The following FTO variants were observed in gnomAD, a reference collection of about 807,000 sequenced individuals.
FTO encodes FTO alpha-ketoglutarate dependent dioxygenase.
Under a neutral mutation model 63.9 loss-of-function variants are expected in FTO, and 47 were observed. The observed-to-expected ratio is 0.74, with a 90% CI of 0.58 to 0.94. The LOEUF is 0.94. Among genes scored for constraint, FTO ranks in the 40% least tolerant of loss-of-function variants. The pLI is 0.00. For missense variants in FTO, 562 were observed against 618.1 expected, an observed-to-expected ratio of 0.91 and a Z score of 0.96; for synonymous variants, 207 against 224.4, an observed-to-expected ratio of 0.92 and a Z score of 0.69.
chr16:53,999,605 G>C (rs900578282), intron 8 of FTO: 1 of 152,170 alleles, frequency 6.6e-6, no homozygotes, highest in Non-Finnish European at 1.5e-5. Context: ...GGTAGTCCCT[G>C]AACAGTTATT....
chr16:54,005,574 C>T (rs12931859), intron 8 of FTO, among the ~76,000 whole-genome samples: 18,443 of 151,922 alleles, frequency 0.12, 1,429 homozygotes, highest in Admixed American at 0.26. Flanking sequence ...ATATGATTAC[C>T]ATTTTACAGA....
chr16:53,846,657 C>G (rs2079629006), intron 4 of FTO, among the ~76,000 whole-genome samples: 1 of 151,894 alleles, frequency 6.6e-6, no homozygotes, highest in Non-Finnish European at 1.5e-5. Context: ...AAAAAATTAG[C>G]TGGGTGTGGT....
chr16:53,737,406 C>T (rs1465247195), intron 1 of FTO, among the ~76,000 whole-genome samples: 1 of 152,210 alleles, frequency 6.6e-6, no homozygotes, highest in Non-Finnish European at 1.5e-5. Flanking sequence ...TTCTCTACTG[C>T]ATCAGTACAG....
intron 2 of FTO, among the ~76,000 whole-genome samples, chr16:53,817,877 A>G (rs945387763): frequency 1.3e-5 from 2 of 152,226 alleles, no homozygotes; most frequent in East Asian, 3.8e-4. Context: ...ATTAAACTAT[A>G]TAATCATCAT....
At chr16:53,812,342 C>T (rs2078556266) in intron 2 of FTO, among the ~76,000 whole-genome samples, 1 of 150,394 alleles carries the variant, frequency 6.6e-6, no homozygotes, top group South Asian at 2.1e-4. Flanking sequence ...GCGATCTGAG[C>T]TCACTGCACC....
intron 8 of FTO, chr16:53,993,614 A>G (rs1284747728): frequency 1.3e-5 from 2 of 152,138 alleles, no homozygotes; most frequent in Non-Finnish European, 2.9e-5. Flanking sequence ...TTTTTAATTT[A>G]TTTCTTTGTT....
intron 7 of FTO, among the ~76,000 whole-genome samples, chr16:53,907,149 C>G (rs1019719183): frequency 6.6e-6 from 1 of 152,166 alleles, no homozygotes; most frequent in Non-Finnish European, 1.5e-5. Context: ...CCTCAACTTA[C>G]GATGGGTCTG....
chr16:53,907,946 A>G (rs561800246), intron 7 of FTO, among the ~76,000 whole-genome samples: 1 of 152,286 alleles, frequency 6.6e-6, no homozygotes, highest in African/African-American at 2.4e-5. Flanking sequence ...TTTATTCTGG[A>G]GGCACTGAGA....
rs1331330591 is a variant in FTO at position 53,833,084 on chromosome 16, G to A, written c.751+6593G>A. On this transcript the variant is annotated intron_variant, in intron 3 of 8. Transcript: ENST00000471389. ...TTGAATCATGAGGCCGGTCTTTCCC[G>A]TGCTATTCTCATGATAGTGAATAAG... 5.9e-5 allele frequency among the ~76,000 whole-genome samples: 9 copies of A among 152,134 alleles called. No individual in the cohort carries two copies. The East Asian group carries it at 1.3e-3, about 23-fold the overall frequency.
intron 7 of FTO, among the ~76,000 whole-genome samples, chr16:53,926,264 G>A (rs745923122): frequency 2.0e-5 from 3 of 152,104 alleles, no homozygotes; most frequent in South Asian, 2.1e-4. Context: ...TTCCGACCCC[G>A]TTCTTAGACT....
chr16:53,787,686 T>C (rs1212975933), intron 1 of FTO, among the ~76,000 whole-genome samples: 1 of 152,198 alleles, frequency 6.6e-6, no homozygotes, highest in Non-Finnish European at 1.5e-5. Context: ...CTGGTATATC[T>C]AACTAATCAT....
chr16:53,811,916 G>A (rs2037780210), intron 2 of FTO, among the ~76,000 whole-genome samples: 1 of 151,344 alleles, frequency 6.6e-6, no homozygotes, highest in Admixed American at 6.6e-5. Flanking sequence ...GGGCCCATGC[G>A]ATTCTCCCAC....
intron 4 of FTO, among the ~76,000 whole-genome samples, chr16:53,869,941 G>A (rs1198617656): frequency 6.6e-6 from 1 of 152,076 alleles, no homozygotes; most frequent in Non-Finnish European, 1.5e-5. Flanking sequence ...ATAGGCAGAT[G>A]GGATGCACTG....
intron 8 of FTO, among the ~76,000 whole-genome samples, chr16:53,936,866 G>A (rs568683166): frequency 6.6e-6 from 1 of 152,326 alleles, no homozygotes; most frequent in African/African-American, 2.4e-5. Flanking sequence ...GCAGCTGGCA[G>A]TAACTTTAGT....
chr16:53,722,183 T>C (rs2076055776), intron 1 of FTO, among the ~76,000 whole-genome samples: 2 of 152,204 alleles, frequency 1.3e-5, no homozygotes, highest in Non-Finnish European at 2.9e-5. Flanking sequence ...GGTAAGTTTG[T>C]GTATGGTACA....
Position 53,873,804 on chromosome 16 carries a change from A to G in FTO, c.914A>G (p.His305Arg). 7 of 1,613,082 alleles carry G rather than the reference A, an allele frequency of 4.3e-6. No individual in the cohort carries two copies. Among genetic ancestry groups the G allele is most frequent in the South Asian group, 1.1e-5 (1 of 91,064 alleles). ...YFMLDDLNATHQHCVLAGSQP... is the reference protein window; with the variant it reads ...YFMLDDLNATRQHCVLAGSQP... ...CCTGTAGATGATCTCAATGCCACCCACCAACACTGTGTTTTGGCCGGTTCA... is the reference window on the plus strand; with the variant it reads ...CCTGTAGATGATCTCAATGCCACCCGCCAACACTGTGTTTTGGCCGGTTCA... Residue 305 changes from histidine to arginine, a missense_variant, in exon 5 of 9, where the codon CAC (histidine) becomes CGC (arginine). Transcript: ENST00000471389.
At position 53,784,540 on chromosome 16, in the gene FTO, C is replaced by T. The variant is rs140056468; in HGVS notation, c.46-25600C>T. Among the ~76,000 whole-genome samples the T allele has an allele frequency of 5.0e-3, 754 of 152,250 alleles. 4 individuals carry two copies. Among genetic ancestry groups the T allele is most frequent in the African/African-American group, 0.017 (724 of 41,554 alleles). On this transcript the variant is annotated intron_variant, in intron 1 of 8. Coordinates refer to ENST00000471389, the MANE Select transcript of FTO (RefSeq NM_001080432.3). ...CTCAGCAGACCTGAAAATAGGTGAG[C>T]TGTCAAGGTGTTGGCAGGGAGAGGC...
chr16:53,853,655 A>AT (rs905908173), intron 4 of FTO, among the ~76,000 whole-genome samples: 30 of 151,614 alleles, frequency 2.0e-4, no homozygotes, highest in Admixed American at 1.4e-3. Context: ...ACATGATTTC[A>AT]TTTTTTTTAA....
intron 8 of FTO, among the ~76,000 whole-genome samples, chr16:53,996,382 C>T (rs1255052613): frequency 6.6e-6 from 1 of 152,118 alleles, no homozygotes; most frequent in Non-Finnish European, 1.5e-5. Flanking sequence ...GGTGGCTGGC[C>T]TCTATTCTTC....
Sources: allele counts gnomAD v4.1 joint callset (sites outside exome capture counted in the v4.1 genomes callset), GRCh38; gene constraint gnomAD v4.1.1; transcripts MANE v1.5; gene names NCBI Gene and HGNC (gene_info 2026-07-23, HGNC 2026-07-21).